SGCZ: variants seen among roughly 807,000 people sequenced by gnomAD.
SGCZ encodes the protein sarcoglycan zeta, also known as zeta-sarcoglycan.
A neutral mutation model predicts 41.3 loss-of-function variants in SGCZ; 40 were observed. The observed-to-expected ratio is 0.97, with a 90% CI of 0.75 to 1.26. The LOEUF is 1.26. SGCZ is among the 50% of genes most tolerant of loss of function. The probability of loss-of-function intolerance (pLI) is 0.00; values close to 1 mark genes in which losing one functional copy is unlikely to be tolerated. For synonymous variants in SGCZ, 206 were observed against 137.5 expected (o/e 1.50, Z -3.49); for missense variants, 552 against 369.8 (o/e 1.49, Z -4.04).
At chr8:14,789,500 C>T (rs528955405) in intron 1 of SGCZ, among the ~76,000 whole-genome samples, 1 of 152,280 alleles carries the variant, frequency 6.6e-6, no homozygotes, top group African/African-American at 2.4e-5. Flanking sequence ...GTGTTAGTTT[C>T]ATGATATAAT....
chr8:14,368,833 C>CA (rs1437334550), intron 2 of SGCZ, among the ~76,000 whole-genome samples: 3 of 150,962 alleles, frequency 2.0e-5, no homozygotes, highest in African/African-American at 7.3e-5. Context: ...ACAATTGCAG[C>CA]AAAAAAAAGT....
In SGCZ at chr8:14,089,307, A is replaced by G. The variant is rs777745406; in HGVS notation, c.*1136T>C. On this transcript the variant is annotated 3_prime_UTR_variant, in exon 8 of 8. Coordinates refer to ENST00000382080, the MANE Select transcript of SGCZ (RefSeq NM_139167.4). Reference sequence around the variant, plus strand: ...TGAAGTAAACACATTTTCAATATTTATTAGCATTTGTCATTTTTACTGTTT... The same window carrying G: ...TGAAGTAAACACATTTTCAATATTTGTTAGCATTTGTCATTTTTACTGTTT... 1.3e-5 allele frequency among the ~76,000 whole-genome samples: 2 copies of G among 152,024 alleles called. No homozygotes were observed. Among genetic ancestry groups the G allele is most frequent in the African/African-American group, 2.4e-5 (1 of 41,434 alleles).
At chr8:15,105,512 C>G (rs1030756577) in intron 1 of SGCZ, among the ~76,000 whole-genome samples, 2 of 151,848 alleles carry the variant, frequency 1.3e-5, no homozygotes, top group African/African-American at 4.8e-5. Flanking sequence ...AGAGAGAGAG[C>G]TAAGGCCGAA....
At chr8:14,841,710 A>G (rs1802921479) in intron 1 of SGCZ, among the ~76,000 whole-genome samples, 1 of 152,222 alleles carries the variant, frequency 6.6e-6, no homozygotes, top group Non-Finnish European at 1.5e-5. Context: ...ACTGTCAGAA[A>G]GCACAAGTAA....
At chr8:14,452,642 T>A (rs1031817784) in intron 2 of SGCZ, among the ~76,000 whole-genome samples, 1 of 152,172 alleles carries the variant, frequency 6.6e-6, no homozygotes, top group Non-Finnish European at 1.5e-5. Flanking sequence ...GTTCACTGAT[T>A]GTAACAAATG....
Position 14,156,159 on chromosome 8 carries a change from C to T in SGCZ, c.547+8421G>A, listed in dbSNP as rs191325403. Among the ~76,000 whole-genome samples, 655 of 152,108 alleles carry T rather than the reference C, an allele frequency of 4.3e-3. 4 individuals are homozygous for T. Among genetic ancestry groups the T allele is most frequent in the African/African-American group, 0.014 (601 of 41,478 alleles). ...TTATAAACACTGTGCATAGAGGCGA[C>T]GCTGAATTTATTTAAAAATATTTTT... On this transcript the variant is annotated intron_variant, in intron 5 of 7. Transcript: ENST00000382080.
intron 1 of SGCZ, among the ~76,000 whole-genome samples, chr8:14,651,028 G>C (rs1004062304): frequency 1.3e-5 from 2 of 151,952 alleles, no homozygotes; most frequent in Non-Finnish European, 2.9e-5. Flanking sequence ...TTATCTAGTA[G>C]TTGTAATCAT....
intron 1 of SGCZ, among the ~76,000 whole-genome samples, chr8:14,994,786 A>G (rs983120131): frequency 1.1e-4 from 17 of 152,094 alleles, no homozygotes; most frequent in Admixed American, 8.5e-4. Flanking sequence ...TCAGAAAAAA[A>G]TCTTCATTTT....
chr8:14,414,810 A>G (rs1799452025), intron 2 of SGCZ, among the ~76,000 whole-genome samples: 1 of 151,998 alleles, frequency 6.6e-6, no homozygotes, highest in Non-Finnish European at 1.5e-5. Context: ...AGTATTTGAA[A>G]CATTTAATAA....
Position 15,186,262 on chromosome 8 carries a change from C to CAAAAAAAAAAAAAAAAAA in SGCZ, c.39+51305_39+51322dup, listed in dbSNP as rs61237091. Among the ~76,000 whole-genome samples, 17 of 80,714 alleles carry CAAAAAAAAAAAAAAAAAA rather than the reference C, an allele frequency of 2.1e-4. 1 individual carries two copies. Among genetic ancestry groups the CAAAAAAAAAAAAAAAAAA allele is most frequent in the East Asian group, 3.1e-4 (1 of 3,234 alleles). The allele number at this position is 80,714 out of a possible 152,430, so 53.0% of individuals were successfully genotyped here. A position where few individuals can be genotyped will look rare whatever the true frequency, so the allele number is the denominator to read the frequency against. Reference sequence around the variant, plus strand: ...GGGCAACAGAGGGAAGATTCCGTACCAAAAAAAAAAAAAAAAAAAAAAAAA... The same window carrying CAAAAAAAAAAAAAAAAAA: ...GGGCAACAGAGGGAAGATTCCGTACCAAAAAAAAAAAAAAAAAAAAAAAAAAAAAAAAAAAAAAAAAAA... On this transcript the variant is annotated intron_variant, in intron 1 of 7. Transcript: ENST00000382080.
chr8:14,281,142 T>TA lies in SGCZ; in HGVS notation c.336+42960dup, dbSNP rs562787419. On this transcript the variant is annotated intron_variant, in intron 3 of 7. Transcript: ENST00000382080. ...AGATTGATCACTAGCTCTAGAATTT[T>TA]AAAAAAATGAATGAATTCAAGATAC... Among the ~76,000 whole-genome samples the TA allele has an allele frequency of 7.5e-4, 114 of 151,994 alleles. 2 individuals carry two copies. In the South Asian group the frequency reaches 0.021, roughly 28 times the overall value.
chr8:14,980,778 G>C (rs1450410563), intron 1 of SGCZ, among the ~76,000 whole-genome samples: 1 of 152,170 alleles, frequency 6.6e-6, no homozygotes, highest in Non-Finnish European at 1.5e-5. Context: ...TGAGGATTAT[G>C]GAAGTACAAT....
intron 3 of SGCZ, among the ~76,000 whole-genome samples, chr8:14,304,704 T>G (rs1585341217): frequency 6.6e-6 from 1 of 152,218 alleles, no homozygotes; most frequent in East Asian, 1.9e-4. Flanking sequence ...GGAATTTATT[T>G]CACTTCCTGA....
intron 2 of SGCZ, among the ~76,000 whole-genome samples, chr8:14,450,524 G>A (rs1166291211): frequency 6.6e-6 from 1 of 151,970 alleles, no homozygotes; most frequent in Admixed American, 6.6e-5. Context: ...CAGTACCTTT[G>A]GTAATAATTT....
At chr8:14,613,618 A>G (rs774893799) in intron 1 of SGCZ, among the ~76,000 whole-genome samples, 3 of 152,230 alleles carry the variant, frequency 2.0e-5, no homozygotes, top group Non-Finnish European at 4.4e-5. Flanking sequence ...CAGAGCATGC[A>G]GAATTTGCAG....
intron 1 of SGCZ, among the ~76,000 whole-genome samples, chr8:15,106,385 A>G (rs1806825671): frequency 1.3e-5 from 2 of 152,222 alleles, no homozygotes; most frequent in South Asian, 4.1e-4. Flanking sequence ...CTACATATGA[A>G]CAAATGAGCC....
chr8:14,138,653 T>G (rs1375113183), intron 5 of SGCZ, among the ~76,000 whole-genome samples: 2 of 152,108 alleles, frequency 1.3e-5, no homozygotes, highest in South Asian at 4.1e-4. Flanking sequence ...ATCCTAAATA[T>G]ATATGCACCC....
At chr8:15,146,890 A>T (rs1161683094) in intron 1 of SGCZ, among the ~76,000 whole-genome samples, 1 of 152,184 alleles carries the variant, frequency 6.6e-6, no homozygotes, top group Admixed American at 6.5e-5. Context: ...TTAATACTGT[A>T]TAGCAACTTA....
chr8:14,415,596 T>A (rs1799472205), intron 2 of SGCZ, among the ~76,000 whole-genome samples: 1 of 152,000 alleles, frequency 6.6e-6, no homozygotes, highest in African/African-American at 2.4e-5. Flanking sequence ...GTTGACATCT[T>A]TCACAGGATT....
Sources: gnomAD v4.1 joint callset for allele counts (sites outside exome capture counted in the v4.1 genomes callset) on GRCh38, gnomAD v4.1.1 for gene constraint, MANE v1.5 for transcripts, NCBI Gene and HGNC (gene_info 2026-07-23, HGNC 2026-07-21) for gene names.